The following PDE8B variants were observed in gnomAD, a reference collection of about 807,000 sequenced individuals.
PDE8B encodes phosphodiesterase 8B, also known as high affinity cAMP-specific and IBMX-insensitive 3',5'-cyclic phosphodiesterase 8B.
Under a neutral mutation model 101.3 loss-of-function variants are expected in PDE8B, and 26 were observed. That is an observed-to-expected ratio of 0.26 (90% CI 0.19 to 0.36). The LOEUF (loss-of-function observed/expected upper bound fraction) is 0.36. Ranked by LOEUF, PDE8B falls within the 10% of genes least tolerant of loss-of-function variation. PDE8B has a pLI of 1.00. For missense variants in PDE8B, 810 were observed against 1,163.1 expected (o/e 0.70, Z 4.42); for synonymous variants, 424 against 429.3 (o/e 0.99, Z 0.15).
chr5:77,161,404 G>A, the PDE8B span, among the ~76,000 whole-genome samples: 1 of 151,918 alleles, frequency 6.6e-6, no homozygotes, highest in Admixed American at 6.6e-5. Flanking sequence ...TTATCATTTT[G>A]ATTATACATT....
the PDE8B span, among the ~76,000 whole-genome samples, chr5:77,159,250 G>A: frequency 6.6e-6 from 1 of 152,200 alleles, no homozygotes; most frequent in African/African-American, 2.4e-5. Flanking sequence ...AAGGATACAA[G>A]TATTGATTCT....
intron 10 of PDE8B, among the ~76,000 whole-genome samples, chr5:77,376,794 G>GC (rs1244310101): frequency 6.6e-6 from 1 of 152,116 alleles, no homozygotes; most frequent in African/African-American, 2.4e-5. Context: ...TAAGCTCTGG[G>GC]CCTGAGGATC....
At chr5:77,242,227 A>G (rs1311215835) in intron 1 of PDE8B, among the ~76,000 whole-genome samples, 3 of 152,144 alleles carry the variant, frequency 2.0e-5, no homozygotes, top group African/African-American at 7.2e-5. Context: ...TTTTCCCCTC[A>G]CTGGTATCCC....
chr5:77,258,953 TCTAA>T (rs1338789917), intron 1 of PDE8B, among the ~76,000 whole-genome samples: 2 of 151,824 alleles, frequency 1.3e-5, no homozygotes, highest in African/African-American at 2.4e-5. Context: ...CTGAGGGTCT[TCTAA>T]CTCTCTCTCT....
chr5:77,403,519 AT>A (rs1240275991), intron 11 of PDE8B, among the ~76,000 whole-genome samples: 1 of 152,176 alleles, frequency 6.6e-6, no homozygotes, highest in African/African-American at 2.4e-5. Flanking sequence ...TTCCTCAAAT[AT>A]CCCCATTTAA....
chr5:77,307,906 C>T (rs1245859292), intron 1 of PDE8B, among the ~76,000 whole-genome samples: 1 of 152,212 alleles, frequency 6.6e-6, no homozygotes, highest in Non-Finnish European at 1.5e-5. Context: ...TGGCCACTTC[C>T]TGGAATCAGA....
At chr5:77,400,322 T>C in intron 11 of PDE8B, 32 bp downstream of exon 11, 1 of 1,357,392 alleles carries the variant, frequency 7.4e-7, no homozygotes, top group Non-Finnish European at 1.1e-6. Flanking sequence ...TCTAACATAC[T>C]TAGGAGGCAG....
the PDE8B span, among the ~76,000 whole-genome samples, chr5:77,098,426 G>A: frequency 6.6e-6 from 1 of 152,176 alleles, no homozygotes; most frequent in East Asian, 1.9e-4. Flanking sequence ...TGGGACTTCA[G>A]GCACATGCCA....
chr5:77,181,237 G>A, the PDE8B span, among the ~76,000 whole-genome samples: 56 of 152,264 alleles, frequency 3.7e-4, no homozygotes, highest in South Asian at 1.2e-3. Flanking sequence ...GGAAGAGCTG[G>A]AACGTGTGTA....
intron 1 of PDE8B, among the ~76,000 whole-genome samples, chr5:77,294,578 A>T (rs950983026): frequency 6.6e-6 from 1 of 151,896 alleles, no homozygotes; most frequent in African/African-American, 2.4e-5. Flanking sequence ...AATGCAAATT[A>T]AAAAAAACAC....
At chr5:77,325,250 T>C (rs1775827703) in intron 2 of PDE8B, among the ~76,000 whole-genome samples, 1 of 152,202 alleles carries the variant, frequency 6.6e-6, no homozygotes, top group South Asian at 2.1e-4. Flanking sequence ...TCACTGCAGC[T>C]TCTACCTCCC....
intron 1 of PDE8B, chr5:77,291,874 A>G: frequency 2.2e-6 from 3 of 1,373,046 alleles, no homozygotes; most frequent in Non-Finnish European, 3.1e-6. Context: ...AAAGAAAATT[A>G]AAGTTTTCCT....
intron 1 of PDE8B, among the ~76,000 whole-genome samples, chr5:77,286,809 T>C (rs190493845): frequency 2.1e-3 from 319 of 152,310 alleles, no homozygotes; most frequent in African/African-American, 7.3e-3. Flanking sequence ...ATTTTCCATT[T>C]CCTCCCCTTT....
At position 77,351,105 on chromosome 5, in the gene PDE8B, AC is replaced by A. The variant is rs771193576; in HGVS notation, c.1059del (p.Asp353GlufsTer7). 1 of 1,614,154 alleles carries A rather than the reference AC, an allele frequency of 6.2e-7. No homozygotes were observed. Among genetic ancestry groups the A allele is most frequent in the Non-Finnish European group, 8.5e-7 (1 of 1,179,974 alleles). On this transcript the variant is annotated frameshift_variant, in exon 9 of 22. Transcript: ENST00000264917. LOFTEE classifies it high-confidence loss of function. ...GVYYARRKSGDSIQQHVKITP... is the reference protein window; with the variant it reads ...GVYYARRKSGXSIQQHVKITP... Reference sequence around the variant, plus strand: ...TACTATGCCAGACGGAAATCCGGGGACAGCATCCAACAGCACGTGAAGATCA... The same window carrying A: ...TACTATGCCAGACGGAAATCCGGGGAAGCATCCAACAGCACGTGAAGATCA...
intron 5 of PDE8B, among the ~76,000 whole-genome samples, chr5:77,334,982 T>G (rs1002097171): frequency 1.3e-5 from 2 of 152,250 alleles, no homozygotes; most frequent in South Asian, 2.1e-4. Flanking sequence ...TTTTAAATAC[T>G]CTGAGAAGTC....
chr5:77,118,253 T>G, the PDE8B span: 7 of 395,782 alleles, frequency 1.8e-5, no homozygotes, highest in Admixed American at 4.4e-5. Context: ...AGCCTAAGGT[T>G]TTGGTTTTGT....
rs1441246427 is a variant in PDE8B at position 77,367,524 on chromosome 5, T to TTC, written c.1167+14124_1167+14125dup. ...GAAGCCTGGGGAGTTCCTTCTCTTT[T>TTC]TCTCTCTTTTTTTTTTTTTTTTTTT... On this transcript the variant is annotated intron_variant, in intron 10 of 21. Transcript: ENST00000264917. 1.2e-4 allele frequency among the ~76,000 whole-genome samples: 15 copies of TTC among 123,770 alleles called. 3 individuals are homozygous for TTC. The highest frequency in any genetic ancestry group is 4.3e-4 in the African/African-American group (11 of 25,618). The allele number at this position is 123,770 out of a possible 152,430, so 81.2% of individuals were successfully genotyped here.
the PDE8B span, among the ~76,000 whole-genome samples, chr5:77,198,852 ATTC>A: frequency 6.6e-6 from 1 of 151,766 alleles, no homozygotes; most frequent in Admixed American, 6.6e-5. Flanking sequence ...TTTTTTCTCC[ATTC>A]TTCTTCTACA....
At chr5:77,134,829 A>G in the PDE8B span, among the ~76,000 whole-genome samples, 28 of 152,318 alleles carry the variant, frequency 1.8e-4, no homozygotes, top group African/African-American at 6.5e-4. Flanking sequence ...ACTAGGGGCT[A>G]TAGTTCCTCC....
Sources: gnomAD v4.1 joint callset for allele counts (sites outside exome capture counted in the v4.1 genomes callset) on GRCh38, gnomAD v4.1.1 for gene constraint, MANE v1.5 for transcripts, NCBI Gene and HGNC (gene_info 2026-07-23, HGNC 2026-07-21) for gene names.